Variants in PDE1C observed in about 807,000 individuals in gnomAD.
The protein encoded by PDE1C is dual specificity calcium/calmodulin-dependent 3',5'-cyclic nucleotide phosphodiesterase 1C.
In PDE1C, 62 loss-of-function variants were observed where a neutral mutation model predicts 93.1. That is an observed-to-expected ratio of 0.67 (90% CI 0.54 to 0.82). The LOEUF (loss-of-function observed/expected upper bound fraction) is 0.82. PDE1C is among the 40% of genes least tolerant of loss of function. The probability of loss-of-function intolerance (pLI) is 0.00; values close to 1 mark genes in which losing one functional copy is unlikely to be tolerated. For synonymous variants in PDE1C, 325 were observed against 310.1 expected (o/e 1.05, Z -0.50); for missense variants, 742 against 884.6 (o/e 0.84, Z 2.04).
At chr7:32,126,581 T>A (rs1799592856) in intron 3 of PDE1C, among the ~76,000 whole-genome samples, 1 of 152,168 alleles carries the variant, frequency 6.6e-6, no homozygotes, top group South Asian at 2.1e-4. Context: ...AAAGCTCAAT[T>A]TGCATAACTC....
intron 1 of PDE1C, among the ~76,000 whole-genome samples, chr7:32,231,541 GA>G (rs1807690037): frequency 6.6e-6 from 1 of 151,654 alleles, no homozygotes; most frequent in African/African-American, 2.4e-5. Flanking sequence ...TCCACCAAAG[GA>G]AAAAGGATAC....
intron 1 of PDE1C, chr7:32,052,256 AG>A (rs757563237): frequency 4.7e-5 from 22 of 467,034 alleles, no homozygotes; most frequent in Non-Finnish European, 9.1e-5. Flanking sequence ...ACCCAGTTCC[AG>A]CCCACGTCTG....
chr7:32,308,898 A>G (rs986303735), intron 1 of PDE1C, among the ~76,000 whole-genome samples: 20 of 151,864 alleles, frequency 1.3e-4, no homozygotes, highest in African/African-American at 4.8e-4. Flanking sequence ...ACCTGGACGG[A>G]GAATGACTTT....
At chr7:31,941,848 G>T (rs1239293553) in intron 2 of PDE1C, among the ~76,000 whole-genome samples, 1 of 152,164 alleles carries the variant, frequency 6.6e-6, no homozygotes, top group African/African-American at 2.4e-5. Flanking sequence ...GGGTTCCTAT[G>T]CTGGTCAAAC....
At chr7:31,782,135 G>T (rs923322789) in intron 16 of PDE1C, among the ~76,000 whole-genome samples, 6 of 152,178 alleles carry the variant, frequency 3.9e-5, no homozygotes, top group Admixed American at 6.5e-5. Context: ...CAACAGCAGA[G>T]AGGTGGTTAA....
At chr7:31,826,068 G>A (rs952046622) in intron 12 of PDE1C, among the ~76,000 whole-genome samples, 5 of 152,128 alleles carry the variant, frequency 3.3e-5, no homozygotes, top group African/African-American at 7.2e-5. Flanking sequence ...AATGTTCTGC[G>A]ACAATCAGGA....
At chr7:31,888,896 A>G (rs1798292269) in intron 2 of PDE1C, among the ~76,000 whole-genome samples, 2 of 152,224 alleles carry the variant, frequency 1.3e-5, no homozygotes, top group Admixed American at 6.5e-5. Flanking sequence ...AACAATTAGA[A>G]AATGGTACCA....
chr7:32,190,837 T>C (rs1804186429), intron 2 of PDE1C, among the ~76,000 whole-genome samples: 1 of 152,122 alleles, frequency 6.6e-6, no homozygotes, highest in African/African-American at 2.4e-5. Flanking sequence ...AAGGAGAAAG[T>C]AATTAATTTT....
intron 3 of PDE1C, among the ~76,000 whole-genome samples, chr7:32,159,189 T>C (rs935249665): frequency 2.6e-5 from 4 of 152,078 alleles, no homozygotes; most frequent in Non-Finnish European, 4.4e-5. Flanking sequence ...CAACACAGGA[T>C]GTAATTGTAG....
intron 1 of PDE1C, among the ~76,000 whole-genome samples, chr7:32,388,957 G>A (rs1296361220): frequency 1.3e-5 from 2 of 152,108 alleles, no homozygotes; most frequent in Non-Finnish European, 2.9e-5. Context: ...AGTGATGCCA[G>A]GTTGACTAGT....
intron 3 of PDE1C, among the ~76,000 whole-genome samples, chr7:32,109,961 C>T (rs1230900317): frequency 2.6e-5 from 4 of 152,054 alleles, no homozygotes; most frequent in African/African-American, 9.7e-5. Flanking sequence ...ACTATTTCTG[C>T]ACATGGACTT....
At chr7:32,101,655 C>A (rs1223468322) in intron 3 of PDE1C, among the ~76,000 whole-genome samples, 1 of 152,186 alleles carries the variant, frequency 6.6e-6, no homozygotes, top group African/African-American at 2.4e-5. Flanking sequence ...TAAAGCATCA[C>A]CAGGAGCAGA....
chr7:32,121,998 T>C (rs992756218), intron 3 of PDE1C, among the ~76,000 whole-genome samples: 1 of 152,036 alleles, frequency 6.6e-6, no homozygotes, highest in Non-Finnish European at 1.5e-5. Flanking sequence ...AAGACACACA[T>C]AGGTTCAAAA....
At chr7:32,353,906 G>C (rs56114267) in intron 1 of PDE1C, among the ~76,000 whole-genome samples, 1,635 of 152,194 alleles carry the variant, frequency 0.011, 12 homozygotes, top group Non-Finnish European at 0.018. Context: ...ATCTCCTCAG[G>C]TCCATGGTTA....
At chr7:31,837,843 A>G (rs908961206) in intron 10 of PDE1C, 27 bp downstream of exon 10, 3 of 1,547,256 alleles carry the variant, frequency 1.9e-6, no homozygotes, top group South Asian at 1.1e-5. Context: ...CTATACAAAC[A>G]AAAACACAAG....
chr7:31,821,520 G>A (rs1788955023), intron 14 of PDE1C, among the ~76,000 whole-genome samples: 1 of 152,122 alleles, frequency 6.6e-6, no homozygotes, highest in African/African-American at 2.4e-5. Flanking sequence ...TGCAGATGAT[G>A]CAGTAGCTGC....
rs910931803 is a variant in PDE1C at position 32,051,469 on chromosome 7, C to G, written c.128+85G>C. The G allele has an allele frequency of 3.9e-5, 49 of 1,259,720 alleles. No individual in the cohort carries two copies. In the Admixed American group the frequency reaches 7.4e-4, roughly 19 times the overall value. 78.0% of individuals were successfully genotyped at this position (1,259,720 alleles called of 1,614,324 possible). ...GAAAGAACCAAAAGCCTGTTTATTA[C>G]AGTTCCAGTCCACCATGAGCCAGAC... On this transcript the variant is annotated intron_variant, in intron 2 of 17. Transcript: ENST00000396191.
At chr7:31,994,100 G>GC (rs1187740919) in intron 2 of PDE1C, among the ~76,000 whole-genome samples, 1 of 152,222 alleles carries the variant, frequency 6.6e-6, no homozygotes, top group East Asian at 1.9e-4. Context: ...CAAAGCAGTA[G>GC]CAAGTGCACC....
intron 3 of PDE1C, among the ~76,000 whole-genome samples, chr7:32,127,714 T>A (rs112659720): frequency 3.9e-5 from 6 of 151,984 alleles, no homozygotes; most frequent in African/African-American, 9.6e-5. Flanking sequence ...ATAACAAAAA[T>A]CATATCAAAA....
Sources: gnomAD v4.1 joint callset for allele counts (sites outside exome capture counted in the v4.1 genomes callset) on GRCh38, gnomAD v4.1.1 for gene constraint, MANE v1.5 for transcripts, NCBI Gene and HGNC (gene_info 2026-07-23, HGNC 2026-07-21) for gene names.